PTPRD: variants seen among roughly 807,000 people sequenced by gnomAD.
The protein encoded by PTPRD is receptor-type tyrosine-protein phosphatase delta.
PTPRD carries 34 observed loss-of-function variants against 214.5 expected under a neutral mutation model. That is an observed-to-expected ratio of 0.16 (90% CI 0.12 to 0.21). PTPRD has a LOEUF of 0.21. PTPRD is among the 10% of genes least tolerant of loss of function. The pLI is 1.00. For synonymous variants in PTPRD, 1,128 were observed against 845.7 expected, an observed-to-expected ratio of 1.33 and a Z score of -5.79; for missense variants, 2,545 against 2,398.7, an observed-to-expected ratio of 1.06 and a Z score of -1.27.
intron 14 of PTPRD, among the ~76,000 whole-genome samples, chr9:8,568,618 G>A (rs2090152767): frequency 6.6e-6 from 1 of 152,078 alleles, no homozygotes; most frequent in South Asian, 2.1e-4. Flanking sequence ...TATGTGTCTG[G>A]TAGATTTAAT....
chr9:9,407,486 A>G (rs2073922337), intron 8 of PTPRD, among the ~76,000 whole-genome samples: 1 of 151,834 alleles, frequency 6.6e-6, no homozygotes, highest in Non-Finnish European at 1.5e-5. Context: ...AGATTTATCA[A>G]AATAAAAGTG....
intron 5 of PTPRD, among the ~76,000 whole-genome samples, chr9:9,838,788 A>G (rs1433298464): frequency 7.2e-5 from 11 of 152,038 alleles, no homozygotes; most frequent in African/African-American, 9.7e-5. Flanking sequence ...CCATTTATCA[A>G]TTTTGGCTTT....
chr9:9,212,884 T>C (rs947315171), intron 9 of PTPRD, among the ~76,000 whole-genome samples: 2 of 152,136 alleles, frequency 1.3e-5, no homozygotes, highest in African/African-American at 2.4e-5. Flanking sequence ...CCTTCTATAG[T>C]ATGTGACTTG....
At chr9:10,158,741 T>G (rs781341827) in intron 3 of PTPRD, among the ~76,000 whole-genome samples, 2 of 152,106 alleles carry the variant, frequency 1.3e-5, no homozygotes, top group Non-Finnish European at 2.9e-5. Context: ...CCCCCTGACT[T>G]ATTGTCTCTA....
At chr9:9,803,947 G>T (rs2099057594) in intron 5 of PTPRD, among the ~76,000 whole-genome samples, 1 of 151,954 alleles carries the variant, frequency 6.6e-6, no homozygotes, top group Non-Finnish European at 1.5e-5. Context: ...AGAAGTTTAT[G>T]GGTGCCTATC....
intron 3 of PTPRD, among the ~76,000 whole-genome samples, chr9:10,244,874 G>C (rs992925261): frequency 2.0e-5 from 3 of 152,006 alleles, no homozygotes; most frequent in Admixed American, 2.0e-4. Context: ...CTAAGCCCAA[G>C]GCATAATCTT....
chr9:9,235,632 G>C (rs1320832213), intron 9 of PTPRD, among the ~76,000 whole-genome samples: 1 of 152,056 alleles, frequency 6.6e-6, no homozygotes, highest in Non-Finnish European at 1.5e-5. Flanking sequence ...TGAGACACCT[G>C]ACTCACTTTG....
At chr9:8,845,148 G>T (rs1228194297) in intron 11 of PTPRD, among the ~76,000 whole-genome samples, 1 of 147,502 alleles carries the variant, frequency 6.8e-6, no homozygotes, top group Non-Finnish European at 1.5e-5. Context: ...ATAAAATGAG[G>T]TCTCTAAAAT....
intron 11 of PTPRD, among the ~76,000 whole-genome samples, chr9:8,748,326 C>G (rs1284712386): frequency 6.6e-6 from 1 of 151,856 alleles, no homozygotes; most frequent in Non-Finnish European, 1.5e-5. Context: ...AGAGAGCTCA[C>G]TAAAATGCTA....
chr9:9,612,162 C>G (rs2094546847), intron 7 of PTPRD, among the ~76,000 whole-genome samples: 1 of 151,412 alleles, frequency 6.6e-6, no homozygotes, highest in African/African-American at 2.4e-5. Flanking sequence ...CATTAAGTTC[C>G]TTTTTTCTTT....
chr9:9,950,893 A>C (rs1426427093), intron 4 of PTPRD, among the ~76,000 whole-genome samples: 2 of 152,116 alleles, frequency 1.3e-5, no homozygotes, highest in Non-Finnish European at 2.9e-5. Context: ...AGCAGCACAT[A>C]ATTTCTGTTC....
At chr9:9,528,336 T>G (rs1307005451) in intron 8 of PTPRD, among the ~76,000 whole-genome samples, 1 of 152,168 alleles carries the variant, frequency 6.6e-6, no homozygotes, top group African/African-American at 2.4e-5. Flanking sequence ...TTTCTACCTG[T>G]GACAGTAGAA....
At chr9:10,091,402 T>A (rs1435584613) in intron 3 of PTPRD, among the ~76,000 whole-genome samples, 1 of 151,542 alleles carries the variant, frequency 6.6e-6, no homozygotes, top group Non-Finnish European at 1.5e-5. Flanking sequence ...AACTATCCAG[T>A]ACTGAAAACT....
chr9:9,732,553 G>T (rs75842889), intron 7 of PTPRD, among the ~76,000 whole-genome samples: 1 of 152,226 alleles, frequency 6.6e-6, no homozygotes, highest in Non-Finnish European at 1.5e-5. Flanking sequence ...GGAGGGTCCA[G>T]ATCCAACTTT....
rs527931685 is a variant in PTPRD at position 10,060,202 on chromosome 9, C to T, written c.-544-26412G>A. On this transcript the variant is annotated intron_variant, in intron 3 of 45. Coordinates refer to ENST00000381196, the MANE Select transcript of PTPRD (RefSeq NM_002839.4). ...TAACACATTTCATTTCTGTCCTCAG[C>T]TTTCAAGTCCCAATTTCATATATGC... Among the ~76,000 whole-genome samples, 6 of 152,142 alleles carry T rather than the reference C, an allele frequency of 3.9e-5. No homozygotes were observed. The South Asian group carries it at 1.0e-3, about 26-fold the overall frequency.
chr9:8,329,421 C>T (rs2131412588), intron 44 of PTPRD, among the ~76,000 whole-genome samples: 1 of 152,216 alleles, frequency 6.6e-6, no homozygotes, highest in Middle Eastern at 3.4e-3. Flanking sequence ...CAGATGCCAG[C>T]CAGTGTTCTC....
intron 3 of PTPRD, among the ~76,000 whole-genome samples, chr9:10,317,690 T>C (rs1296037710): frequency 6.6e-6 from 1 of 152,014 alleles, no homozygotes; most frequent in Non-Finnish European, 1.5e-5. Context: ...AACCTATTCA[T>C]ATAAATTTAA....
At chr9:10,385,178 A>G (rs780052413) in intron 2 of PTPRD, among the ~76,000 whole-genome samples, 1 of 151,794 alleles carries the variant, frequency 6.6e-6, no homozygotes, top group Non-Finnish European at 1.5e-5. Context: ...TACTCCAGCC[A>G]AAAGTAAGTT....
At chr9:9,454,540 T>C (rs1039897779) in intron 8 of PTPRD, among the ~76,000 whole-genome samples, 2 of 151,766 alleles carry the variant, frequency 1.3e-5, no homozygotes, top group Admixed American at 1.3e-4. Context: ...AATTCAAGTG[T>C]TCCCATTAGT....
Sources: allele counts gnomAD v4.1 joint callset (sites outside exome capture counted in the v4.1 genomes callset), GRCh38; gene constraint gnomAD v4.1.1; transcripts MANE v1.5; gene names NCBI Gene and HGNC (gene_info 2026-07-23, HGNC 2026-07-21).